SSX5: variants seen among roughly 807,000 people sequenced by gnomAD.
SSX5 encodes SSX family member 5, also known as protein SSX5.
In SSX5, 14 loss-of-function variants were observed where a neutral mutation model predicts 14.9. That is an observed-to-expected ratio of 0.94 (90% confidence interval 0.62 to 1.47). The LOEUF is 1.47. Ranked by LOEUF, SSX5 falls within the 40% of genes most tolerant of loss-of-function variation. The pLI, the probability that SSX5 is intolerant of heterozygous loss-of-function variation, is 0.00. For missense variants in SSX5, 204 were observed against 154.6 expected (o/e 1.32, Z -1.70); for synonymous variants, 70 against 55.4 (o/e 1.26, Z -1.17).
At position 48,186,578 on chromosome X, in the gene SSX5, G is replaced by A; in HGVS notation, c.*283C>T. 2.2e-6 allele frequency: 1 copy of A among 453,117 alleles called. No individual in the cohort carries two copies. Among genetic ancestry groups the A allele is most frequent in the Non-Finnish European group, 3.9e-6 (1 of 259,419 alleles). 37.3% of individuals were successfully genotyped at this position (453,117 alleles called of 1,213,427 possible). A position where few individuals can be genotyped will look rare whatever the true frequency, so the allele number is the denominator to read the frequency against. On this transcript the variant is annotated 3_prime_UTR_variant, in exon 8 of 8. Transcript: ENST00000347757. ...TGACGATACTTGTTTTCTGAGGTAG[G>A]TGCATGGATACACAAACTGAAATAT...
chrX:48,188,419 C>T (rs1313651223), intron 6 of SSX5, among the ~76,000 whole-genome samples: 11 of 112,117 alleles, frequency 9.8e-5, no homozygotes, highest in Non-Finnish European at 2.1e-4. Context: ...AGTTTTCATA[C>T]TGCACAATTA....
chrX:48,186,969 T>C lies in SSX5; in HGVS notation c.*5-113A>G, dbSNP rs782536011. On this transcript the variant is annotated intron_variant, in intron 7 of 7. Coordinates refer to ENST00000347757, the MANE Select transcript of SSX5 (RefSeq NM_175723.2). ...CTGCCCACTCCGATTCTGCCCTACCTCAGGACCTGTACACGCCTTCCATGG... is the reference window on the plus strand; with the variant it reads ...CTGCCCACTCCGATTCTGCCCTACCCCAGGACCTGTACACGCCTTCCATGG... 4.4e-5 allele frequency: 41 copies of C among 940,079 alleles called. 1 individual carries two copies. In the African/African-American group the frequency reaches 6.4e-4, roughly 15 times the overall value. 77.5% of individuals were successfully genotyped at this position (940,079 alleles called of 1,213,427 possible). A position where few individuals can be genotyped will look rare whatever the true frequency, so the allele number is the denominator to read the frequency against.
In SSX5 at chrX:48,186,817, G is replaced by A. The variant is rs1332450589; in HGVS notation, c.*44C>T. The stretch of plus-strand genomic sequence containing the variant: ...GCCCATGTTCGTGAAAGGTCACCAC[G>A]TTCTGCTTCTCATCATGGGCATGTG... On this transcript the variant is annotated 3_prime_UTR_variant, in exon 8 of 8. Transcript: ENST00000347757. 1.9e-5 allele frequency: 23 copies of A among 1,196,351 alleles called. No homozygotes were observed. The highest frequency in any genetic ancestry group is 1.1e-4 in the African/African-American group (6 of 57,080).
At chrX:48,193,622 G>A (rs1476216051) in intron 4 of SSX5, among the ~76,000 whole-genome samples, 8 of 110,678 alleles carry the variant, frequency 7.2e-5, no homozygotes, top group Admixed American at 6.8e-4. Context: ...TTGGGTGGGC[G>A]CCTGTAACCC....
At position 48,195,486 on chromosome X, in the gene SSX5, A is replaced by G. The variant is rs1413582836; in HGVS notation, c.-20-108T>C. On this transcript the variant is annotated intron_variant, in intron 1 of 7. Coordinates refer to ENST00000347757, the MANE Select transcript of SSX5 (RefSeq NM_175723.2). ...TCAGTCACCTGGAATCAGGAGTTGC[A>G]TTTCTCCATCCGTGGCTTATCTGTC... The G allele has an allele frequency of 7.4e-6, 6 of 808,768 alleles. No individual in the cohort carries two copies. The African/African-American group carries it at 1.2e-4, about 17-fold the overall frequency. The allele number at this position is 808,768 out of a possible 1,213,427, so 66.7% of individuals were successfully genotyped here.
chrX:48,194,360 G>A (rs1370186234), intron 3 of SSX5, 136 bp from the exon 4 acceptor site: 2 of 650,519 alleles, frequency 3.1e-6, no homozygotes, highest in African/African-American at 2.2e-5. Flanking sequence ...GCTGCAGTGA[G>A]CTATGATTGC....
chrX:48,190,419 A>G (rs1796030176), intron 5 of SSX5, 151 bp from the exon 6 acceptor site: 1 of 719,087 alleles, frequency 1.4e-6, no homozygotes, highest in African/African-American at 2.2e-5. Flanking sequence ...GAAACCTGGG[A>G]GGGGAGGTTA....
chrX:48,189,993 A>G (rs1340406354), intron 6 of SSX5, 140 bp downstream of exon 6: 4 of 892,147 alleles, frequency 4.5e-6, no homozygotes, highest in Middle Eastern at 5.8e-4. Context: ...GTCATGTGTA[A>G]CATCTCATCT....
chrX:48,192,016 G>T (rs2059421866), intron 5 of SSX5, among the ~76,000 whole-genome samples: 1 of 112,183 alleles, frequency 8.9e-6, no homozygotes, highest in African/African-American at 3.2e-5. Flanking sequence ...CATGTGAACT[G>T]CTTAAAATAG....
intron 7 of SSX5, among the ~76,000 whole-genome samples, chrX:48,187,095 C>T (rs1356634410): frequency 9.0e-6 from 1 of 111,573 alleles, no homozygotes; most frequent in African/African-American, 3.3e-5. Context: ...CAGTGCTGAC[C>T]TGGGGTTTGG....
intron 7 of SSX5, 73 bp from the exon 8 acceptor site, chrX:48,186,929 C>T (rs781783194): frequency 1.7e-6 from 2 of 1,155,076 alleles, no homozygotes; most frequent in Non-Finnish European, 2.3e-6. Context: ...CTCAACTCCT[C>T]CTGACCTGCA....
In SSX5 at chrX:48,186,380, G is replaced by T. The variant is rs2059396096; in HGVS notation, c.*481C>A. 1 of 216,292 alleles carries T rather than the reference G, an allele frequency of 4.6e-6. No homozygotes were observed. The allele number at this position is 216,292 out of a possible 1,213,427, so 17.8% of individuals were successfully genotyped here. A position where few individuals can be genotyped will look rare whatever the true frequency, so the allele number is the denominator to read the frequency against. ...ACTGGTACTTGGTGTGTGTGTGTGTGTGTGTGTGTGTGTGTGTGTGTGTGC... is the reference window on the plus strand; with the variant it reads ...ACTGGTACTTGGTGTGTGTGTGTGTTTGTGTGTGTGTGTGTGTGTGTGTGC... On this transcript the variant is annotated 3_prime_UTR_variant, in exon 8 of 8. Coordinates refer to ENST00000347757, the MANE Select transcript of SSX5 (RefSeq NM_175723.2).
chrX:48,188,925 A>T (rs1268154630), intron 6 of SSX5, among the ~76,000 whole-genome samples: 1 of 111,016 alleles, frequency 9.0e-6, no homozygotes, highest in Admixed American at 9.5e-5. Flanking sequence ...TTAAATGAGA[A>T]AGTGGTCAGG....
In SSX5 at chrX:48,188,326, G is replaced by A. The variant is rs1387098864; in HGVS notation, c.467-595C>T. Among the ~76,000 whole-genome samples the A allele has an allele frequency of 8.9e-5, 10 of 112,394 alleles. 1 individual carries two copies. Among genetic ancestry groups the A allele is most frequent in the South Asian group, 7.3e-4 (2 of 2,734 alleles). ...CGTTTTGATACAGGCATGCAAATGC[G>A]TAAAAATCACATCATGGAAAATAAG... On this transcript the variant is annotated intron_variant, in intron 6 of 7. Transcript: ENST00000347757.
At position 48,186,486 on chromosome X, in the gene SSX5, C is replaced by G. The variant is rs1275350630; in HGVS notation, c.*375G>C. The G allele has an allele frequency of 3.8e-5, 13 of 342,294 alleles. No individual in the cohort carries two copies. Among genetic ancestry groups the G allele is most frequent in the Admixed American group, 1.5e-4 (3 of 19,894 alleles). 28.2% of individuals were successfully genotyped at this position (342,294 alleles called of 1,213,427 possible). On this transcript the variant is annotated 3_prime_UTR_variant, in exon 8 of 8. Transcript: ENST00000347757. ...AGGAAAAAATCTGAAATTAAACACT[C>G]AGAACTGCCCTCAGTGGTCACATCT...
In SSX5 at chrX:48,186,412, G is replaced by GCA. The variant is rs1282372097; in HGVS notation, c.*448_*449insTG. 2.9e-4 allele frequency: 77 copies of GCA among 267,163 alleles called. No homozygotes were observed. Among genetic ancestry groups the GCA allele is most frequent in the African/African-American group, 4.4e-4 (15 of 34,334 alleles). 22.0% of individuals were successfully genotyped at this position (267,163 alleles called of 1,213,427 possible). On this transcript the variant is annotated 3_prime_UTR_variant, in exon 8 of 8. Transcript: ENST00000347757. The stretch of plus-strand genomic sequence containing the variant: ...TGTGTGTGTGTGTGTGTGCGCGCGC[G>GCA]CGCGCATGTGTGTCTGTGTGGCATG...
rs189119250 is a variant in SSX5, at chrX:48,186,268, G to A, written c.*593C>T. The A allele has an allele frequency of 1.5e-3, 227 of 151,355 alleles. 1 individual carries two copies. Among genetic ancestry groups the A allele is most frequent in the Non-Finnish European group, 1.6e-3 (126 of 78,001 alleles). The allele number at this position is 151,355 out of a possible 1,213,427, so 12.5% of individuals were successfully genotyped here. ...TGGCAGTGACTGATAGAGGGGAATC[G>A]GATGAGGGGAGTACATGCTGAACAG... On this transcript the variant is annotated 3_prime_UTR_variant, in exon 8 of 8. Transcript: ENST00000347757.
rs782647816 is a variant in SSX5 at position 48,194,996 on chromosome X, G to C, written c.70-142C>G. ...ATGCCATGGCTAACTGACAGAACAT[G>C]GGGCACCTACCCTAGCTTCTCCCCT... On this transcript the variant is annotated intron_variant, in intron 2 of 7. Transcript: ENST00000347757. The C allele has an allele frequency of 1.4e-5, 17 of 1,210,116 alleles. No homozygotes were observed. In the Admixed American group the frequency reaches 3.7e-4, roughly 26 times the overall value.
intron 1 of SSX5, among the ~76,000 whole-genome samples, chrX:48,195,995 T>G (rs781839070): frequency 8.1e-4 from 90 of 111,602 alleles, no homozygotes; most frequent in African/African-American, 2.8e-3. Context: ...TGTTTCAACA[T>G]GCACAATCAG....
Sources: gnomAD v4.1 joint callset for allele counts (sites outside exome capture counted in the v4.1 genomes callset) on GRCh38, gnomAD v4.1.1 for gene constraint, MANE v1.5 for transcripts, NCBI Gene and HGNC (gene_info 2026-07-23, HGNC 2026-07-21) for gene names.